PIGQ: variants seen among roughly 807,000 people sequenced by gnomAD.
PIGQ encodes the protein phosphatidylinositol glycan anchor biosynthesis class Q.
Under a neutral mutation model 60.3 loss-of-function variants are expected in PIGQ, and 54 were observed. That is an observed-to-expected ratio of 0.90 (90% CI 0.72 to 1.12). PIGQ has a LOEUF of 1.12. Among genes scored for constraint, PIGQ ranks in the 50% most tolerant of loss-of-function variants. The pLI, the probability that PIGQ is intolerant of heterozygous loss-of-function variation, is 0.00. For missense variants in PIGQ, 799 were observed against 793.5 expected (o/e 1.01, Z -0.08); for synonymous variants, 416 against 363.7 (o/e 1.14, Z -1.64).
chr16:574,331 C>T lies in PIGQ; in HGVS notation c.257C>T (p.Ala86Val). 2 of 1,608,252 alleles carry T rather than the reference C, an allele frequency of 1.2e-6. No homozygotes were observed. Among genetic ancestry groups the T allele is most frequent in the Middle Eastern group, 1.7e-4 (1 of 6,058 alleles). Residue 86 changes from alanine to valine, a missense_variant, in exon 2 of 11, where the codon GCT becomes GTT. Coordinates refer to ENST00000321878, the MANE Select transcript of PIGQ (RefSeq NM_004204.5). ...GGCCGCTTCCTGGAGAGCCTGGGTG[C>T]TGTCTTCCCCCATGAGCCCTGGCTG... ...SLGRFLESLG[A>V]VFPHEPWLRL...
chr16:580,081 CA>C, intron 7 of PIGQ, 101 bp from the exon 8 acceptor site: 2 of 819,582 alleles, frequency 2.4e-6, no homozygotes, highest in Non-Finnish European at 1.9e-6. Flanking sequence ...CAGGAAGCCG[CA>C]AGGTCCCGAC....
chr16:573,998 AACAT>A, intron 1 of PIGQ, 64 bp from the exon 2 acceptor site: 1 of 1,171,630 alleles, frequency 8.5e-7, no homozygotes, highest in South Asian at 1.5e-5. Flanking sequence ...CCGTCTGTGC[AACAT>A]CCCGCAGCCC....
Position 582,230 on chromosome 16 carries a change from CG to C in PIGQ, c.1532-17del, listed in dbSNP as rs67976359. ...AGCCCCCACGCGTCCCCTCGTCAGC[CG>C]CTTGCTATCCTTGCAGCTGGCGTGA... On this transcript the variant is annotated splice_polypyrimidine_tract_variant and intron_variant, in intron 9 of 10. Transcript: ENST00000321878. 668,438 of 1,528,368 alleles carry C rather than the reference CG, an allele frequency of 0.44. 157,526 individuals are homozygous for C. Among genetic ancestry groups the C allele is most frequent in the East Asian group, 0.66 (28,525 of 43,150 alleles). 94.7% of individuals were successfully genotyped at this position (1,528,368 alleles called of 1,614,324 possible). A position where few individuals can be genotyped will look rare whatever the true frequency, so the allele number is the denominator to read the frequency against.
rs1356574161 is a variant in PIGQ, at chr16:582,926, TCC to T, written c.1640_1641del (p.Pro547GlnfsTer235). The T allele has an allele frequency of 2.5e-6, 4 of 1,612,220 alleles. No homozygotes were observed. Among genetic ancestry groups the T allele is most frequent in the Non-Finnish European group, 2.5e-6 (3 of 1,179,630 alleles). The stretch of plus-strand genomic sequence containing the variant: ...AGCCGCGTGGTGCACACCTACCGCC[TCC>T]CCAGCTGTGGCTGCCACCCCAAGCA... On this transcript the variant is annotated frameshift_variant, in exon 11 of 11. Transcript: ENST00000321878. LOFTEE classifies it high-confidence loss of function.
intron 8 of PIGQ, chr16:580,531 C>T: frequency 3.6e-6 from 2 of 551,376 alleles, no homozygotes; most frequent in East Asian, 5.7e-5. Context: ...CAAGAGGCCT[C>T]CCCTGGTGCC....
intron 4 of PIGQ, 91 bp downstream of exon 4, chr16:576,345 C>A: frequency 1.4e-6 from 2 of 1,412,550 alleles, no homozygotes; most frequent in African/African-American, 1.4e-5. Context: ...GCCACCGCCC[C>A]ACAAAGCCAG....
At chr16:575,744 A>C in intron 2 of PIGQ, 95 bp from the exon 3 acceptor site, 1 of 1,332,884 alleles carries the variant, frequency 7.5e-7, no homozygotes. Context: ...TGAGCTCAGG[A>C]GTGTGGCCTG....
At chr16:580,494 A>G (rs2151048597) in intron 8 of PIGQ, 2 of 550,042 alleles carry the variant, frequency 3.6e-6, no homozygotes, top group Non-Finnish European at 6.5e-6. Flanking sequence ...TGCGTGGTGG[A>G]AGGACCCCAC....
In PIGQ at chr16:578,449, G is replaced by A. The variant is rs764593544; in HGVS notation, c.1013G>A (p.Arg338His). 6 of 1,612,536 alleles carry A rather than the reference G, an allele frequency of 3.7e-6. No homozygotes were observed. The highest frequency in any genetic ancestry group is 4.2e-6 in the Non-Finnish European group (5 of 1,179,864). ...MGAPAGLKMNRALDQVLGRFF... is the reference protein window; with the variant it reads ...MGAPAGLKMNHALDQVLGRFF... ...GCTCCCGCCGGGCTCAAGATGAACC[G>A]TGCACTGGACCAGGTGCTGGGCCGC... The change falls in exon 5 of 11, where the codon CGT becomes CAT. Residue 338 changes from arginine to histidine, a missense_variant. Coordinates refer to ENST00000321878, the MANE Select transcript of PIGQ (RefSeq NM_004204.5).
intron 5 of PIGQ, 124 bp downstream of exon 5, chr16:578,629 T>C (rs2035759719): frequency 7.1e-7 from 1 of 1,412,758 alleles, no homozygotes; most frequent in Admixed American, 1.9e-5. Flanking sequence ...GTGTGAGGCC[T>C]GCTGTGCTCA....
Position 580,215 on chromosome 16 carries a change from G to T in PIGQ, c.1368G>T (p.Leu456=). 1 of 1,612,856 alleles carries T rather than the reference G, an allele frequency of 6.2e-7. No homozygotes were observed. ...LFIGTLLFTI[L]LFLLPTTALY... is the part of the protein sequence containing the mutation. ...TCGGGACTCTGCTCTTCACCATCCT[G>T]CTCTTCCTCCTGCCTACCACAGCCC... Residue 456 remains leucine, a synonymous_variant, in exon 8 of 11, where the codon CTG becomes CTT. Transcript: ENST00000321878.
rs2035841790 is a variant in PIGQ at position 583,213 on chromosome 16, TGTG to T, written c.*180_*182del. 1 of 1,613,032 alleles carries T rather than the reference TGTG, an allele frequency of 6.2e-7. No homozygotes were observed. Among genetic ancestry groups the T allele is most frequent in the Non-Finnish European group, 8.5e-7 (1 of 1,179,988 alleles). On this transcript the variant is annotated 3_prime_UTR_variant, in exon 11 of 11. Coordinates refer to ENST00000321878, the MANE Select transcript of PIGQ (RefSeq NM_004204.5). ...TTGGAGGTCATTGGGAGTGAGCAGA[TGTG>T]GGGGTGGCCAGCCAGGCTGGCCGCA...
intron 1 of PIGQ, among the ~76,000 whole-genome samples, chr16:571,086 T>C (rs1483136209): frequency 5.6e-4 from 9 of 16,002 alleles, no homozygotes; most frequent in African/African-American, 1.8e-3. Flanking sequence ...TGTGTGTGTG[T>C]GTGTGTGTGT....
At chr16:577,199 T>C (rs1157808535) in intron 4 of PIGQ, 1 of 152,218 alleles carries the variant, frequency 6.6e-6, no homozygotes. Flanking sequence ...CTCAGAAATA[T>C]AAATATTTAA....
At position 578,413 on chromosome 16, in the gene PIGQ, G is replaced by A; in HGVS notation, c.977G>A (p.Trp326Ter). The change falls in exon 5 of 11, where the codon TGG (tryptophan) becomes TAG (stop). Residue 326 changes from tryptophan to a stop codon, truncating the protein, a stop_gained. Coordinates refer to ENST00000321878, the MANE Select transcript of PIGQ (RefSeq NM_004204.5). LOFTEE classifies it high-confidence loss of function. ...GAGGAGCTCCAGCATCTGCTGCAGT[G>A]GCTGATGGGTGCTCCCGCCGGGCTC... ...VAEELQHLLQ[W>*]LMGAPAGLKM... The A allele has an allele frequency of 6.2e-7, 1 of 1,612,060 alleles. No homozygotes were observed. Among genetic ancestry groups the A allele is most frequent in the Non-Finnish European group, 8.5e-7 (1 of 1,179,776 alleles).
At chr16:577,555 C>A (rs184264764) in intron 4 of PIGQ, among the ~76,000 whole-genome samples, 3 of 145,962 alleles carry the variant, frequency 2.1e-5, no homozygotes, top group Admixed American at 1.4e-4. Flanking sequence ...CCAGCCTGGG[C>A]GACAAAACAA....
chr16:582,439 C>G (rs1279571434), intron 10 of PIGQ, 130 bp downstream of exon 10: 2 of 693,586 alleles, frequency 2.9e-6, no homozygotes, highest in African/African-American at 1.8e-5. Context: ...CCCAGTGGAG[C>G]TGAGGGGGAA....
chr16:582,245 C>A lies in PIGQ; in HGVS notation c.1532-3C>A, dbSNP rs868195306. ...CCTCGTCAGCCGCTTGCTATCCTTG[C>A]AGCTGGCGTGAAGTTCCGTGTCCTC... On this transcript the variant is annotated splice_region_variant and splice_polypyrimidine_tract_variant and intron_variant, in intron 9 of 10. Coordinates refer to ENST00000321878, the MANE Select transcript of PIGQ (RefSeq NM_004204.5). The A allele has an allele frequency of 6.2e-7, 1 of 1,600,076 alleles. No individual in the cohort carries two copies. The highest frequency in any genetic ancestry group is 8.5e-7 in the Non-Finnish European group (1 of 1,172,030).
At chr16:577,304 G>A (rs527341784) in intron 4 of PIGQ, 6 of 152,244 alleles carry the variant, frequency 3.9e-5, no homozygotes, top group Non-Finnish European at 7.3e-5. Context: ...TCAGCCGGGG[G>A]TGGTGGCTCA....
Sources: gnomAD v4.1 joint callset for allele counts (sites outside exome capture counted in the v4.1 genomes callset) on GRCh38, gnomAD v4.1.1 for gene constraint, MANE v1.5 for transcripts, NCBI Gene and HGNC (gene_info 2026-07-23, HGNC 2026-07-21) for gene names.